TRHDE: variants seen among roughly 807,000 people sequenced by gnomAD.
TRHDE encodes thyrotropin-releasing hormone-degrading ectoenzyme.
A neutral mutation model predicts 125.7 loss-of-function variants in TRHDE; 72 were observed. The observed-to-expected ratio is 0.57, with a 90% CI of 0.47 to 0.70. The LOEUF (loss-of-function observed/expected upper bound fraction) is 0.70. Ranked by LOEUF, TRHDE falls within the 30% of genes least tolerant of loss-of-function variation. TRHDE has a pLI of 0.00. For missense variants in TRHDE, 1,110 were observed against 1,327.1 expected, an observed-to-expected ratio of 0.84 and a Z score of 2.54; for synonymous variants, 509 against 509.1, an observed-to-expected ratio of 1.00 and a Z score of 0.00.
intron 2 of TRHDE, among the ~76,000 whole-genome samples, chr12:72,202,449 A>G (rs1156474266): frequency 6.6e-6 from 1 of 152,200 alleles, no homozygotes; most frequent in African/African-American, 2.4e-5. Context: ...AGAGTAATTA[A>G]TATAGCTTAG....
chr12:72,599,823 G>T (rs1350672397), intron 12 of TRHDE, among the ~76,000 whole-genome samples: 1 of 151,850 alleles, frequency 6.6e-6, no homozygotes, highest in Non-Finnish European at 1.5e-5. Context: ...TTTCATTATG[G>T]TAGATTTTCT....
At chr12:72,189,098 T>C (rs1256968205) in intron 2 of TRHDE, among the ~76,000 whole-genome samples, 1 of 152,240 alleles carries the variant, frequency 6.6e-6, no homozygotes, top group Non-Finnish European at 1.5e-5. Flanking sequence ...AAGTAACATC[T>C]GCAATTGCCT....
At chr12:72,087,874 C>T (rs897019855) in intron 1 of TRHDE, among the ~76,000 whole-genome samples, 1 of 152,074 alleles carries the variant, frequency 6.6e-6, no homozygotes, top group Non-Finnish European at 1.5e-5. Flanking sequence ...CACCATTTAC[C>T]AGCCGAGGTG....
At chr12:72,370,392 C>T (rs1159937172) in intron 2 of TRHDE, among the ~76,000 whole-genome samples, 2 of 152,144 alleles carry the variant, frequency 1.3e-5, no homozygotes, top group African/African-American at 4.8e-5. Context: ...ATCTTCACTG[C>T]AGCCAATGTA....
At chr12:72,367,997 G>A (rs866856176) in intron 2 of TRHDE, among the ~76,000 whole-genome samples, 9 of 152,116 alleles carry the variant, frequency 5.9e-5, no homozygotes, top group African/African-American at 2.2e-4. Flanking sequence ...TCTTTAACAG[G>A]TGCACTACTG....
At chr12:72,264,350 T>C (rs1186206055) in intron 2 of TRHDE, 1 of 152,038 alleles carries the variant, frequency 6.6e-6, no homozygotes, top group Non-Finnish European at 1.5e-5. Flanking sequence ...ATGGGAGCTT[T>C]TTCTAAAACA....
intron 3 of TRHDE, among the ~76,000 whole-genome samples, chr12:72,466,434 A>G (rs897582157): frequency 6.6e-6 from 1 of 152,142 alleles, no homozygotes; most frequent in Non-Finnish European, 1.5e-5. Context: ...CCTTAGTCAC[A>G]TGTTGCTACA....
chr12:72,114,186 G>GGTAGATAACCCAGTCAGCCA (rs61086784), intron 2 of TRHDE, among the ~76,000 whole-genome samples: 10 of 151,148 alleles, frequency 6.6e-5, no homozygotes, highest in Non-Finnish European at 1.5e-4. Context: ...AAGCATGCTG[G>GGTAGATAACCCAGTCAGCCA]GTCTTTCAAA....
chr12:72,612,208 C>G (rs1399664853), intron 12 of TRHDE, among the ~76,000 whole-genome samples: 1 of 152,194 alleles, frequency 6.6e-6, no homozygotes, highest in African/African-American at 2.4e-5. Context: ...TCTTCTCCCT[C>G]TAGAATCTGT....
intron 6 of TRHDE, among the ~76,000 whole-genome samples, chr12:72,505,052 G>A (rs1191763146): frequency 6.6e-6 from 1 of 151,898 alleles, no homozygotes; most frequent in African/African-American, 2.4e-5. Flanking sequence ...TATTATAACG[G>A]GACAGAAGAT....
intron 2 of TRHDE, among the ~76,000 whole-genome samples, chr12:72,260,145 GT>G (rs1449140128): frequency 1.3e-5 from 2 of 152,102 alleles, no homozygotes; most frequent in Non-Finnish European, 2.9e-5. Flanking sequence ...TTTTTTTCAA[GT>G]GCAAATTTGA....
At position 72,331,409 on chromosome 12, in the gene TRHDE, C is replaced by T. The variant is rs1009540757; in HGVS notation, c.1188+44455C>T. On this transcript the variant is annotated intron_variant, in intron 2 of 18. Coordinates refer to ENST00000261180, the MANE Select transcript of TRHDE (RefSeq NM_013381.3). ...TTAATTCTCTTTACTTACTTAGCAA[C>T]AAGAAAGTTAACTCTCTCAGTTAAT... Among the ~76,000 whole-genome samples, 29 of 131,016 alleles carry T rather than the reference C, an allele frequency of 2.2e-4. 3 individuals carry two copies. Among genetic ancestry groups the T allele is most frequent in the African/African-American group, 7.5e-4 (29 of 38,584 alleles). The allele number at this position is 131,016 out of a possible 152,430, so 86.0% of individuals were successfully genotyped here.
rs372306365 is a variant in TRHDE, at chr12:72,363,129, G to A, written c.1189-14866G>A. The stretch of plus-strand genomic sequence containing the variant: ...AGTCATTGGTAGCTTGATGGGGATG[G>A]CATTGAATCTATAAATTATCTTGGG... On this transcript the variant is annotated intron_variant, in intron 2 of 18. Transcript: ENST00000261180. Among the ~76,000 whole-genome samples, 32 of 152,002 alleles carry A rather than the reference G, an allele frequency of 2.1e-4. No individual in the cohort carries two copies. The East Asian group carries it at 3.7e-3, about 18-fold the overall frequency.
At chr12:72,284,979 A>T (rs916729585) in intron 1 of TRHDE, among the ~76,000 whole-genome samples, 9 of 152,234 alleles carry the variant, frequency 5.9e-5, no homozygotes, top group African/African-American at 1.9e-4. Context: ...CGTGGTGTGT[A>T]GCAGCCTGTT....
At chr12:72,514,801 G>C (rs1202472311) in intron 6 of TRHDE, among the ~76,000 whole-genome samples, 41 of 94,854 alleles carry the variant, frequency 4.3e-4, no homozygotes, top group South Asian at 1.2e-3. Context: ...CCCCACCCCA[G>C]AACAGTCCCC....
At chr12:72,532,396 G>A (rs543803149) in intron 6 of TRHDE, among the ~76,000 whole-genome samples, 5 of 151,168 alleles carry the variant, frequency 3.3e-5, no homozygotes, top group African/African-American at 1.2e-4. Flanking sequence ...TTTGAATTAT[G>A]ATAATTTACT....
chr12:72,206,583 C>T (rs1352104179), intron 2 of TRHDE, among the ~76,000 whole-genome samples: 1 of 152,116 alleles, frequency 6.6e-6, no homozygotes, highest in Non-Finnish European at 1.5e-5. Context: ...ATATATCTGT[C>T]AGCATGTATA....
chr12:72,228,092 C>A (rs564592108), intron 2 of TRHDE, among the ~76,000 whole-genome samples: 1 of 152,326 alleles, frequency 6.6e-6, no homozygotes, highest in South Asian at 2.1e-4. Context: ...GACAGTGTCC[C>A]TCTTCTTACA....
intron 2 of TRHDE, among the ~76,000 whole-genome samples, chr12:72,239,284 T>C (rs1361635152): frequency 6.6e-6 from 1 of 152,208 alleles, no homozygotes; most frequent in Non-Finnish European, 1.5e-5. Context: ...TTCTGGATAT[T>C]AGCCCTTTGT....
Sources: gnomAD v4.1 joint callset for allele counts (sites outside exome capture counted in the v4.1 genomes callset) on GRCh38, gnomAD v4.1.1 for gene constraint, MANE v1.5 for transcripts, NCBI Gene and HGNC (gene_info 2026-07-23, HGNC 2026-07-21) for gene names.